ACSS3: variants seen among roughly 807,000 people sequenced by gnomAD.
ACSS3 encodes acyl-CoA synthetase short chain family member 3.
ACSS3 carries 64 observed loss-of-function variants against 84.2 expected under a neutral mutation model. The observed-to-expected ratio is 0.76, with a 90% CI of 0.62 to 0.94. The LOEUF (loss-of-function observed/expected upper bound fraction) is 0.94, where lower values mean the gene tolerates loss of function less well. Among genes scored for constraint, ACSS3 ranks in the 40% least tolerant of loss-of-function variants. The probability of loss-of-function intolerance (pLI) is 0.00; values close to 1 mark genes in which losing one functional copy is unlikely to be tolerated. For synonymous variants in ACSS3, 317 were observed against 310.1 expected (o/e 1.02, Z -0.23); for missense variants, 815 against 867.6 (o/e 0.94, Z 0.76).
chr12:81,127,454 G>T (rs1252763992), intron 2 of ACSS3, among the ~76,000 whole-genome samples: 1 of 152,116 alleles, frequency 6.6e-6, no homozygotes, highest in African/African-American at 2.4e-5. Flanking sequence ...CTGCCTGTAT[G>T]TGTACAAGTA....
chr12:81,243,756 C>T (rs2033890414), intron 13 of ACSS3, among the ~76,000 whole-genome samples: 1 of 152,132 alleles, frequency 6.6e-6, no homozygotes, highest in Admixed American at 6.5e-5. Flanking sequence ...TTTCTAATTC[C>T]TCCCTTGTAG....
In ACSS3 at chr12:81,130,276, G is replaced by C. The variant is rs543519710; in HGVS notation, c.457-4540G>C. Among the ~76,000 whole-genome samples the C allele has an allele frequency of 4.5e-3, 678 of 152,156 alleles. 7 individuals carry two copies. The highest frequency in any genetic ancestry group is 0.014 in the African/African-American group (578 of 41,528). On this transcript the variant is annotated intron_variant, in intron 2 of 15. Coordinates refer to ENST00000548058, the MANE Select transcript of ACSS3 (RefSeq NM_024560.4). ...AAATGTTCCTATTTCTCCACATCCT[G>C]TCCAGCACCTGTTGTTTCCTGACTT...
intron 13 of ACSS3, among the ~76,000 whole-genome samples, chr12:81,252,371 A>G (rs1048885846): frequency 6.6e-6 from 1 of 152,116 alleles, no homozygotes; most frequent in Non-Finnish European, 1.5e-5. Flanking sequence ...TCACCCCTGA[A>G]CCCAGCGAAT....
At chr12:81,100,216 G>GTT (rs34512313) in intron 1 of ACSS3, among the ~76,000 whole-genome samples, 30,791 of 106,186 alleles carry the variant, frequency 0.29, 4,212 homozygotes, top group Admixed American at 0.41. Context: ...AAAATTACCA[G>GTT]TTTTTTTTTT....
At chr12:81,207,434 G>A (rs2032394523) in intron 9 of ACSS3, among the ~76,000 whole-genome samples, 1 of 152,120 alleles carries the variant, frequency 6.6e-6, no homozygotes, top group African/African-American at 2.4e-5. Flanking sequence ...TCCCAATTCA[G>A]CCACTTACTC....
intron 2 of ACSS3, among the ~76,000 whole-genome samples, chr12:81,124,124 C>CT (rs1375113660): frequency 6.6e-6 from 1 of 152,182 alleles, no homozygotes. Context: ...TATGTGTTCC[C>CT]TTTTCTCCAC....
intron 7 of ACSS3, among the ~76,000 whole-genome samples, chr12:81,170,681 C>G (rs555119336): frequency 2.6e-5 from 4 of 151,970 alleles, no homozygotes; most frequent in Admixed American, 2.6e-4. Flanking sequence ...GTTTAAAATC[C>G]CTGCATTCTT....
rs920264533 is a variant in ACSS3, at chr12:81,257,612, C to T, written c.*2690C>T. On this transcript the variant is annotated 3_prime_UTR_variant, in exon 16 of 16. Transcript: ENST00000548058. Reference sequence around the variant, plus strand: ...TTTTCCAATTCATTGAATTACTTTGCTTGTGAAAATATATTAAACATATTT... The same window carrying T: ...TTTTCCAATTCATTGAATTACTTTGTTTGTGAAAATATATTAAACATATTT... 7 of 151,976 alleles carry T rather than the reference C, an allele frequency of 4.6e-5. No homozygotes were observed. Among genetic ancestry groups the T allele is most frequent in the African/African-American group, 1.7e-4 (7 of 41,486 alleles). The allele number at this position is 151,976 out of a possible 1,614,324, so 9.4% of individuals were successfully genotyped here.
At chr12:81,188,124 T>C (rs1283124664) in intron 8 of ACSS3, among the ~76,000 whole-genome samples, 1 of 151,998 alleles carries the variant, frequency 6.6e-6, no homozygotes, top group Non-Finnish European at 1.5e-5. Flanking sequence ...TTCTGTGATA[T>C]GCTTGATAAA....
rs532043040 is a variant in ACSS3 at position 81,258,797 on chromosome 12, A to T, written c.*3875A>T. 1 of 152,004 alleles carries T rather than the reference A, an allele frequency of 6.6e-6. No homozygotes were observed. The highest frequency in any genetic ancestry group is 1.5e-5 in the Non-Finnish European group (1 of 67,992). 9.4% of individuals were successfully genotyped at this position (152,004 alleles called of 1,614,324 possible). A position where few individuals can be genotyped will look rare whatever the true frequency, so the allele number is the denominator to read the frequency against. On this transcript the variant is annotated 3_prime_UTR_variant, in exon 16 of 16. Transcript: ENST00000548058. ...CTGCGGTGGTTGACATTCACTGTCC[A>T]GTACTGGCTGGCATTTCAAGATATT...
chr12:81,218,740 T>A (rs1289567640), intron 10 of ACSS3, among the ~76,000 whole-genome samples: 1 of 152,120 alleles, frequency 6.6e-6, no homozygotes, highest in Admixed American at 6.6e-5. Flanking sequence ...TTCAGTGCCA[T>A]TTTTATATCT....
intron 13 of ACSS3, among the ~76,000 whole-genome samples, chr12:81,251,701 G>T (rs1386684471): frequency 8.5e-6 from 1 of 117,576 alleles, no homozygotes; most frequent in Non-Finnish European, 2.0e-5. Flanking sequence ...AATTTAGCCA[G>T]CCATGGTGGT....
chr12:81,240,202 G>A (rs1480274687), intron 13 of ACSS3, among the ~76,000 whole-genome samples: 1 of 151,856 alleles, frequency 6.6e-6, no homozygotes, highest in Non-Finnish European at 1.5e-5. Flanking sequence ...TGATTCATCT[G>A]TTTCTCCTCC....
intron 7 of ACSS3, among the ~76,000 whole-genome samples, chr12:81,168,902 T>C (rs1050708665): frequency 3.3e-5 from 5 of 152,270 alleles, no homozygotes; most frequent in South Asian, 2.1e-4. Context: ...TATTGAAAAA[T>C]AGCCTTGTCT....
At chr12:81,121,915 ATATTATTAT>A (rs10527532) in intron 2 of ACSS3, among the ~76,000 whole-genome samples, 40,143 of 146,016 alleles carry the variant, frequency 0.27, 6,932 homozygotes, top group Non-Finnish European at 0.38. Context: ...AGAGTATGCT[ATATTATTAT>A]TATTATTATT....
At chr12:81,244,600 C>T (rs1023282077) in intron 13 of ACSS3, among the ~76,000 whole-genome samples, 4 of 151,908 alleles carry the variant, frequency 2.6e-5, no homozygotes, top group African/African-American at 9.7e-5. Context: ...TTGGAGGTTT[C>T]TATTGATACA....
intron 7 of ACSS3, among the ~76,000 whole-genome samples, chr12:81,169,782 C>G (rs1215221974): frequency 2.0e-5 from 3 of 151,960 alleles, no homozygotes; most frequent in Non-Finnish European, 2.9e-5. Context: ...GACACATGAC[C>G]TATAGTAGAA....
chr12:81,157,871 T>A (rs916940446), intron 7 of ACSS3, among the ~76,000 whole-genome samples: 1 of 151,252 alleles, frequency 6.6e-6, no homozygotes, highest in African/African-American at 2.4e-5. Context: ...ACCAGAAGGG[T>A]AGAAATAAAA....
intron 2 of ACSS3, 107 bp downstream of exon 2, chr12:81,109,811 G>A: frequency 1.1e-6 from 1 of 940,068 alleles, no homozygotes; most frequent in South Asian, 2.8e-5. Context: ...ATTGAAATAT[G>A]TTGCCATGCT....
Sources: allele counts gnomAD v4.1 joint callset (sites outside exome capture counted in the v4.1 genomes callset), GRCh38; gene constraint gnomAD v4.1.1; transcripts MANE v1.5; gene names NCBI Gene and HGNC (gene_info 2026-07-23, HGNC 2026-07-21).